Variants in NDFIP1 observed in about 807,000 individuals in gnomAD.
NDFIP1 encodes the protein NEDD4 family-interacting protein 1.
Under a neutral mutation model 28.8 loss-of-function variants are expected in NDFIP1, and 7 were observed. That is an observed-to-expected ratio of 0.24 (90% CI 0.14 to 0.46). The LOEUF is 0.46. NDFIP1 is among the 20% of genes least tolerant of loss of function. The pLI is 0.99. For synonymous variants in NDFIP1, 92 were observed against 101.0 expected, an observed-to-expected ratio of 0.91 and a Z score of 0.53; for missense variants, 194 against 269.1, an observed-to-expected ratio of 0.72 and a Z score of 1.95.
At chr5:142,142,072 G>T (rs1308145381) in intron 6 of NDFIP1, among the ~76,000 whole-genome samples, 1 of 152,136 alleles carries the variant, frequency 6.6e-6, no homozygotes, top group Non-Finnish European at 1.5e-5. Flanking sequence ...AGGAGTTGGA[G>T]CCTGCAGTGA....
intron 6 of NDFIP1, chr5:142,143,539 A>G (rs1757357357): frequency 6.6e-6 from 1 of 152,084 alleles, no homozygotes; most frequent in Admixed American, 6.5e-5. Flanking sequence ...ATTTAAAAAA[A>G]AAAATGTGCT....
intron 1 of NDFIP1, among the ~76,000 whole-genome samples, chr5:142,115,670 T>TG (rs1757060084): frequency 6.6e-6 from 1 of 152,192 alleles, no homozygotes; most frequent in African/African-American, 2.4e-5. Context: ...TGATGGTTTA[T>TG]CTTTTTTTCA....
At chr5:142,142,917 C>CAAAAAAA (rs1171333662) in intron 6 of NDFIP1, 8 of 43,198 alleles carry the variant, frequency 1.9e-4, no homozygotes, top group East Asian at 4.7e-4. Context: ...GATTCCATCT[C>CAAAAAAA]AAAAAAAAAA....
chr5:142,109,085 C>A, intron 1 of NDFIP1, 48 bp downstream of exon 1: 1 of 1,306,392 alleles, frequency 7.7e-7, no homozygotes, highest in Non-Finnish European at 9.8e-7. Context: ...CTGGCTCTGC[C>A]CTGCCCGCTG....
chr5:142,115,255 G>C (rs1263258436), intron 1 of NDFIP1, among the ~76,000 whole-genome samples: 2 of 152,106 alleles, frequency 1.3e-5, no homozygotes, highest in Non-Finnish European at 2.9e-5. Context: ...CTTTAAGCAA[G>C]TACAACAGCT....
intron 1 of NDFIP1, among the ~76,000 whole-genome samples, chr5:142,121,851 G>C (rs557581933): frequency 3.3e-5 from 5 of 152,174 alleles, no homozygotes; most frequent in Non-Finnish European, 7.4e-5. Context: ...CTTCAGCTAA[G>C]TTTCTGTTAG....
At chr5:142,132,473 C>T in intron 3 of NDFIP1, 131 bp downstream of exon 3, 2 of 1,184,990 alleles carry the variant, frequency 1.7e-6, no homozygotes, top group Non-Finnish European at 2.4e-6. Context: ...AAATCAGGTA[C>T]ATTTGCTTTT....
intron 2 of NDFIP1, 74 bp from the exon 3 acceptor site, chr5:142,132,138 G>C: frequency 6.4e-7 from 1 of 1,550,398 alleles, no homozygotes; most frequent in Non-Finnish European, 8.7e-7. Flanking sequence ...GGTTTTGTCT[G>C]CTAGAGTTAG....
At chr5:142,112,861 A>G (rs1757029342) in intron 1 of NDFIP1, among the ~76,000 whole-genome samples, 1 of 151,794 alleles carries the variant, frequency 6.6e-6, no homozygotes, top group South Asian at 2.1e-4. Context: ...TGCCTTTTGA[A>G]ACTGAGACTG....
At chr5:142,137,906 A>G in intron 5 of NDFIP1, 48 bp downstream of exon 5, 1 of 1,536,642 alleles carries the variant, frequency 6.5e-7, no homozygotes, top group Non-Finnish European at 8.8e-7. Context: ...GGCAATAATC[A>G]GAATATTTTT....
intron 6 of NDFIP1, chr5:142,143,230 C>T (rs1322117935): frequency 6.6e-6 from 1 of 151,984 alleles, no homozygotes; most frequent in Admixed American, 6.6e-5. Context: ...TTTTACTTTT[C>T]TTGAAAGTTG....
chr5:142,137,377 G>T (rs1757287705), intron 4 of NDFIP1, among the ~76,000 whole-genome samples: 3 of 152,046 alleles, frequency 2.0e-5, no homozygotes, highest in African/African-American at 7.2e-5. Flanking sequence ...GTAGAGATGG[G>T]TCTCACTGTG....
Position 142,121,838 on chromosome 5 carries a change from T to C in NDFIP1, c.64-9970T>C, listed in dbSNP as rs143364113. Among the ~76,000 whole-genome samples, 427 of 152,348 alleles carry C rather than the reference T, an allele frequency of 2.8e-3. 4 individuals are homozygous for C. Among genetic ancestry groups the C allele is most frequent in the African/African-American group, 9.9e-3 (413 of 41,574 alleles). ...AAAATGGTATTAAGATTAGCTGCTA[T>C]TTCTTCAGCTAAGTTTCTGTTAGAA... On this transcript the variant is annotated intron_variant, in intron 1 of 7. Coordinates refer to ENST00000253814, the MANE Select transcript of NDFIP1 (RefSeq NM_030571.4).
At chr5:142,125,868 T>C (rs922339856) in intron 1 of NDFIP1, among the ~76,000 whole-genome samples, 1 of 152,210 alleles carries the variant, frequency 6.6e-6, no homozygotes, top group Admixed American at 6.5e-5. Flanking sequence ...CTTAATGATG[T>C]TGAGCATTTT....
intron 4 of NDFIP1, 69 bp from the exon 5 acceptor site, chr5:142,137,665 G>C: frequency 6.4e-7 from 1 of 1,571,218 alleles, no homozygotes; most frequent in South Asian, 1.2e-5. Context: ...AACAGAGGCA[G>C]GTGTAAGGCA....
intron 1 of NDFIP1, among the ~76,000 whole-genome samples, chr5:142,120,636 G>T (rs998033130): frequency 6.6e-6 from 1 of 152,210 alleles, no homozygotes; most frequent in Admixed American, 6.5e-5. Flanking sequence ...TACAGTAAGT[G>T]TAATTCTTTG....
At chr5:142,137,944 TA>T in intron 5 of NDFIP1, 86 bp downstream of exon 5, 1 of 1,481,578 alleles carries the variant, frequency 6.7e-7, no homozygotes, top group East Asian at 2.3e-5. Context: ...TTTGCTTTTT[TA>T]AAAGTTATTT....
At chr5:142,118,595 G>A (rs557712110) in intron 1 of NDFIP1, among the ~76,000 whole-genome samples, 3 of 152,100 alleles carry the variant, frequency 2.0e-5, no homozygotes, top group African/African-American at 7.2e-5. Flanking sequence ...GTAAAGATAC[G>A]TTTTACCCCA....
Position 142,109,014 on chromosome 5 carries a change from G to C in NDFIP1, c.40G>C (p.Ala14Pro). ...GGCGGCGCTGGCGGCGGTCGAGCCG[G>C]CCTGCGGCAGCCGGTACCAGCAGGT... is the stretch of plus-strand genomic sequence containing the variant. The part of the protein sequence containing the change: ...ALAALAAVEP[A>P]CGSRYQQLQN... Residue 14 changes from alanine to proline, a missense_variant, in exon 1 of 8, where the codon GCC becomes CCC. Physicochemically the swap from Ala to Pro is conservative, Grantham distance 27 (BLOSUM62 -1). Coordinates refer to ENST00000253814, the MANE Select transcript of NDFIP1 (RefSeq NM_030571.4). The C allele has an allele frequency of 7.0e-7, 1 of 1,437,264 alleles. No homozygotes were observed. Among genetic ancestry groups the C allele is most frequent in the Non-Finnish European group, 9.1e-7 (1 of 1,097,296 alleles). 89.0% of individuals were successfully genotyped at this position (1,437,264 alleles called of 1,614,324 possible).
Sources: allele counts gnomAD v4.1 joint callset (sites outside exome capture counted in the v4.1 genomes callset), GRCh38; gene constraint gnomAD v4.1.1; transcripts MANE v1.5; gene names NCBI Gene and HGNC (gene_info 2026-07-23, HGNC 2026-07-21).